The following NUP43 variants were observed in gnomAD, a reference collection of about 807,000 sequenced individuals.
The protein encoded by NUP43 is nucleoporin Nup43.
Under a neutral mutation model 47.3 loss-of-function variants are expected in NUP43, and 32 were observed. That is an observed-to-expected ratio of 0.68 (90% CI 0.51 to 0.91). The LOEUF is 0.91. Ranked by LOEUF, NUP43 falls within the 40% of genes least tolerant of loss-of-function variation. NUP43 has a pLI of 0.00. For missense variants in NUP43, 444 were observed against 453.9 expected (o/e 0.98, Z 0.20); for synonymous variants, 147 against 158.4 (o/e 0.93, Z 0.54).
chr6:149,746,376 C>A lies in NUP43; in HGVS notation c.120G>T (p.Glu40Asp). The A allele has an allele frequency of 6.2e-7, 1 of 1,613,806 alleles. No individual in the cohort carries two copies. The highest frequency in any genetic ancestry group is 8.5e-7 in the Non-Finnish European group (1 of 1,179,746). The change falls in exon 1 of 8, where the codon GAG becomes GAT. Residue 40 changes from glutamate to aspartate, a missense_variant and splice_region_variant. By Grantham distance (45) the Glu-to-Asp change is conservative (BLOSUM62 2). Transcript: ENST00000340413. ...ETFATGSWDN[E>D]ENYISLWSIG... ...GGCTCGTCCCTATCAGCGGCGATAC[C>A]TCATTGTCCCAAGATCCTGTAGCGA...
intron 6 of NUP43, among the ~76,000 whole-genome samples, chr6:149,734,066 C>T (rs942461245): frequency 2.0e-5 from 3 of 151,748 alleles, no homozygotes; most frequent in African/African-American, 7.3e-5. Flanking sequence ...TCAGGTGATC[C>T]ACCTGCCTCG....
chr6:149,730,778 A>C (rs1784995584), intron 7 of NUP43, among the ~76,000 whole-genome samples: 1 of 149,566 alleles, frequency 6.7e-6, no homozygotes, highest in Non-Finnish European at 1.5e-5. Flanking sequence ...AAAAAAATTA[A>C]AAAAAAAAAA....
intron 1 of NUP43, 55 bp downstream of exon 1, chr6:149,746,321 C>G: frequency 6.3e-7 from 1 of 1,598,242 alleles, no homozygotes. Flanking sequence ...GGCCAGGGGT[C>G]AGCTCAACCG....
chr6:149,742,060 T>C (rs565811235), intron 4 of NUP43, among the ~76,000 whole-genome samples: 3 of 147,476 alleles, frequency 2.0e-5, no homozygotes, highest in African/African-American at 7.6e-5. Context: ...GAGTTTCACT[T>C]TTGTTGCCCT....
Position 149,731,753 on chromosome 6 carries a change from A to G in NUP43, c.791-18T>C, listed in dbSNP as rs542542971. On this transcript the variant is annotated intron_variant, in intron 6 of 7. Transcript: ENST00000340413. Reference sequence around the variant, plus strand: ...TTCCCACACTAAGAGACAAGAATCAATAAGCTCATTCCTGTGCAGATTCGC... The same window carrying G: ...TTCCCACACTAAGAGACAAGAATCAGTAAGCTCATTCCTGTGCAGATTCGC... The G allele has an allele frequency of 1.2e-6, 2 of 1,612,996 alleles. No homozygotes were observed. Among genetic ancestry groups the G allele is most frequent in the Non-Finnish European group, 1.7e-6 (2 of 1,179,418 alleles).
chr6:149,746,295 G>A (rs1438110718), intron 1 of NUP43, 81 bp downstream of exon 1: 1 of 1,562,082 alleles, frequency 6.4e-7, no homozygotes, highest in East Asian at 2.2e-5. Flanking sequence ...CAGAAGGTGG[G>A]AGTTGGCGCG....
chr6:149,743,250 C>CA (rs921886307), intron 3 of NUP43, among the ~76,000 whole-genome samples: 5 of 151,286 alleles, frequency 3.3e-5, no homozygotes, highest in African/African-American at 1.2e-4. Flanking sequence ...CTAAATGACT[C>CA]AAAAAAACCC....
chr6:149,740,166 C>T (rs1785569143), intron 4 of NUP43, among the ~76,000 whole-genome samples: 1 of 150,478 alleles, frequency 6.6e-6, no homozygotes, highest in African/African-American at 2.4e-5. Context: ...GTCCCACATC[C>T]CTGGAAGGCT....
chr6:149,731,500 T>C, intron 7 of NUP43, 113 bp downstream of exon 7: 1 of 873,858 alleles, frequency 1.1e-6, no homozygotes, highest in Non-Finnish European at 1.7e-6. Context: ...GAGGCGGAGG[T>C]TGCAGTGAGC....
At chr6:149,748,892 A>G (rs180810669), upstream of NUP43, among the ~76,000 whole-genome samples, 7 of 151,840 alleles carry the variant, frequency 4.6e-5, no homozygotes, top group East Asian at 1.2e-3. Context: ...ATTAGGAGTC[A>G]GCGATTTGGA....
chr6:149,735,011 C>A (rs1226785753), intron 6 of NUP43, among the ~76,000 whole-genome samples: 1 of 151,990 alleles, frequency 6.6e-6, no homozygotes, highest in Non-Finnish European at 1.5e-5. Context: ...CCTGCATTTG[C>A]ATGGGAAAAG....
upstream of NUP43, among the ~76,000 whole-genome samples, chr6:149,749,033 C>T (rs1192397268): frequency 1.3e-5 from 2 of 152,104 alleles, no homozygotes; most frequent in Non-Finnish European, 2.9e-5. Context: ...ATAACACGTT[C>T]ACCAAAGGAC....
intron 6 of NUP43, among the ~76,000 whole-genome samples, chr6:149,735,011 C>T (rs1226785753): frequency 1.3e-5 from 2 of 151,990 alleles, no homozygotes; most frequent in African/African-American, 4.8e-5. Context: ...CCTGCATTTG[C>T]ATGGGAAAAG....
At chr6:149,731,560 CT>C in intron 7 of NUP43, 52 bp downstream of exon 7, 1 of 1,130,022 alleles carries the variant, frequency 8.8e-7, no homozygotes, top group Non-Finnish European at 1.2e-6. Flanking sequence ...GAGACTCTGT[CT>C]TAAAAAAAAA....
chr6:149,747,253 A>C (rs1048077745), upstream of NUP43, among the ~76,000 whole-genome samples: 1 of 150,318 alleles, frequency 6.7e-6, no homozygotes, highest in African/African-American at 2.5e-5. Context: ...TTTCCTGACG[A>C]CCCCAGCCAA....
intron 3 of NUP43, 112 bp from the exon 4 acceptor site, chr6:149,742,682 TCTC>T: frequency 2.7e-6 from 2 of 735,384 alleles, no homozygotes; most frequent in South Asian, 2.3e-5. Flanking sequence ...AGAATAAATC[TCTC>T]CTTTTTCCTT....
rs188131224 is a variant in NUP43 at position 149,724,950 on chromosome 6, T to G, written c.*2019A>C. The G allele has an allele frequency of 6.6e-6, 1 of 152,130 alleles. No individual in the cohort carries two copies. Among genetic ancestry groups the G allele is most frequent in the African/African-American group, 2.4e-5 (1 of 41,420 alleles). 9.4% of individuals were successfully genotyped at this position (152,130 alleles called of 1,614,324 possible). On this transcript the variant is annotated 3_prime_UTR_variant, in exon 8 of 8. Coordinates refer to ENST00000340413, the MANE Select transcript of NUP43 (RefSeq NM_198887.3). ...GTTGGGAATACCATAGAAGGGATGA[T>G]GAAATTTAGGCTGGAGATGATCACC...
rs541233509 is a variant in NUP43 at position 149,736,766 on chromosome 6, G to A, written c.639-144C>T. 5.3e-3 allele frequency: 3,484 copies of A among 651,892 alleles called. 13 individuals are homozygous for A. The highest frequency in any genetic ancestry group is 6.5e-3 in the Non-Finnish European group (2,557 of 392,842). The allele number at this position is 651,892 out of a possible 1,614,324, so 40.4% of individuals were successfully genotyped here. ...TGCAGCGCTGCAATCATTGCTTACTGTAGGCTCAAACTCCCTGGGCTCAGG... is the reference window on the plus strand; with the variant it reads ...TGCAGCGCTGCAATCATTGCTTACTATAGGCTCAAACTCCCTGGGCTCAGG... On this transcript the variant is annotated intron_variant, in intron 5 of 7. Transcript: ENST00000340413.
rs1784797702 is a variant in NUP43 at position 149,726,543 on chromosome 6, T to C, written c.*426A>G. On this transcript the variant is annotated 3_prime_UTR_variant, in exon 8 of 8. Coordinates refer to ENST00000340413, the MANE Select transcript of NUP43 (RefSeq NM_198887.3). ...ATACTTGCAATAAAAAGAATAATCA[T>C]TAACATTGGCAACTGCCACTAGGAA... 3 of 175,034 alleles carry C rather than the reference T, an allele frequency of 1.7e-5. No individual in the cohort carries two copies. Among genetic ancestry groups the C allele is most frequent in the South Asian group, 1.3e-4 (1 of 7,592 alleles). 10.8% of individuals were successfully genotyped at this position (175,034 alleles called of 1,614,324 possible).
Sources: gnomAD v4.1 joint callset for allele counts (sites outside exome capture counted in the v4.1 genomes callset) on GRCh38, gnomAD v4.1.1 for gene constraint, MANE v1.5 for transcripts, NCBI Gene and HGNC (gene_info 2026-07-23, HGNC 2026-07-21) for gene names.